Variants in NEDD4 observed in about 807,000 individuals in gnomAD.
NEDD4 encodes NEDD4 E3 ubiquitin protein ligase.
Under a neutral mutation model 144.9 loss-of-function variants are expected in NEDD4, and 99 were observed. The ratio of observed to expected loss-of-function variants is 0.68; its 90% CI spans 0.58 to 0.81. The LOEUF is 0.81. Among genes scored for constraint, NEDD4 ranks in the 30% least tolerant of loss-of-function variants. The probability of loss-of-function intolerance (pLI) is 0.00; values close to 1 mark genes in which losing one functional copy is unlikely to be tolerated. For missense variants in NEDD4, 985 were observed against 1,065.9 expected (o/e 0.92, Z 1.06); for synonymous variants, 318 against 350.6 (o/e 0.91, Z 1.04).
chr15:55,919,106 C>G (rs1334006021), intron 5 of NEDD4, among the ~76,000 whole-genome samples: 1 of 152,134 alleles, frequency 6.6e-6, no homozygotes, highest in African/African-American at 2.4e-5. Flanking sequence ...AGCATCAGTT[C>G]CATGTCCCCT....
chr15:55,837,711 A>C (rs2033276977), intron 24 of NEDD4, 78 bp downstream of exon 24: 8 of 930,018 alleles, frequency 8.6e-6, no homozygotes, highest in Non-Finnish European at 1.3e-5. Flanking sequence ...TTTTTCTCAG[A>C]TGTGATGAGG....
At chr15:55,967,713 A>C (rs199902876) in intron 1 of NEDD4, among the ~76,000 whole-genome samples, 1 of 152,032 alleles carries the variant, frequency 6.6e-6, no homozygotes, top group African/African-American at 2.4e-5. Flanking sequence ...ATATAAAAAA[A>C]CTTCATAGAT....
intron 1 of NEDD4, among the ~76,000 whole-genome samples, chr15:55,986,054 G>A (rs915345542): frequency 6.6e-6 from 1 of 152,182 alleles, no homozygotes; most frequent in African/African-American, 2.4e-5. Flanking sequence ...AACTGGGACA[G>A]TATGAGCAAT....
rs1245172179 is a variant in NEDD4 at position 55,946,184 on chromosome 15, GC to G, written c.237+5191del. Among the ~76,000 whole-genome samples the G allele has an allele frequency of 1.2e-4, 19 of 152,108 alleles. 1 individual carries two copies. Among genetic ancestry groups the G allele is most frequent in the African/African-American group, 4.3e-4 (18 of 41,410 alleles). On this transcript the variant is annotated intron_variant, in intron 4 of 28. Transcript: ENST00000435532. ...AACCTTAAATGTAAATGGGCTAAAT[GC>G]CCCCATTAAAAGACACAGACTGGCG...
chr15:55,914,886 T>C (rs990389179), intron 5 of NEDD4, among the ~76,000 whole-genome samples: 2 of 152,066 alleles, frequency 1.3e-5, no homozygotes, highest in East Asian at 3.8e-4. Context: ...AACAAAATGA[T>C]CATTTGAAAA....
intron 17 of NEDD4, among the ~76,000 whole-genome samples, chr15:55,847,764 C>T (rs2033809513): frequency 6.6e-6 from 1 of 150,642 alleles, no homozygotes; most frequent in Non-Finnish European, 1.5e-5. Context: ...ACAACCTCCG[C>T]CTCCTGGGTT....
In NEDD4 at chr15:55,850,561, T is replaced by G; in HGVS notation, c.1328A>C (p.Asn443Thr). ...AGTTACCCAGGTGGTGGTTTTAGTGTTGTGGTCAATAAAGAAAGGCCTCCC... is the reference window on the plus strand; with the variant it reads ...AGTTACCCAGGTGGTGGTTTTAGTGGTGTGGTCAATAAAGAAAGGCCTCCC... ...PNGRPFFIDH[N>T]TKTTTWEDPR... is the part of the protein sequence containing the mutation. Residue 443 changes from asparagine to threonine, a missense_variant, in exon 14 of 29, where the codon AAC becomes ACC. By Grantham distance (65) the Asn-to-Thr change is moderately conservative. Transcript: ENST00000435532. 1 of 1,614,140 alleles carries G rather than the reference T, an allele frequency of 6.2e-7. No homozygotes were observed. The highest frequency in any genetic ancestry group is 8.5e-7 in the Non-Finnish European group (1 of 1,180,016).
chr15:55,943,959 G>A (rs1481716046), intron 4 of NEDD4, among the ~76,000 whole-genome samples: 4 of 152,226 alleles, frequency 2.6e-5, no homozygotes, highest in African/African-American at 7.2e-5. Flanking sequence ...GCATCAGTGT[G>A]GCCTGGATGT....
chr15:55,879,121 G>C (rs2035094647), intron 5 of NEDD4, among the ~76,000 whole-genome samples: 1 of 152,128 alleles, frequency 6.6e-6, no homozygotes, highest in Non-Finnish European at 1.5e-5. Context: ...ACAGTGCCTG[G>C]CCAGAAAAGT....
rs148801306 is a variant in NEDD4, at chr15:55,928,406, A to G, written c.238-3707T>C. Among the ~76,000 whole-genome samples the G allele has an allele frequency of 3.8e-3, 586 of 152,274 alleles. 5 individuals are homozygous for G. Among genetic ancestry groups the G allele is most frequent in the African/African-American group, 0.013 (560 of 41,536 alleles). On this transcript the variant is annotated intron_variant, in intron 4 of 28. Coordinates refer to ENST00000435532, the MANE Select transcript of NEDD4 (RefSeq NM_006154.4). ...ACACCCTACTTAAAAGTTGTCCCCA[A>G]TGGTCTAAATAACAAAATCCAAAAG...
intron 5 of NEDD4, among the ~76,000 whole-genome samples, chr15:55,907,005 G>A (rs1435216915): frequency 6.6e-6 from 1 of 151,942 alleles, no homozygotes; most frequent in Non-Finnish European, 1.5e-5. Context: ...CAAGGCACCA[G>A]AATTGCTTCA....
intron 2 of NEDD4, among the ~76,000 whole-genome samples, chr15:55,952,072 T>C (rs1237011316): frequency 6.7e-6 from 1 of 150,258 alleles, no homozygotes; most frequent in Non-Finnish European, 1.5e-5. Flanking sequence ...CTCATGCCTG[T>C]AATCCCAGTA....
chr15:55,828,905 TGCGACTACAGAAATTA>T lies in NEDD4; in HGVS notation c.*976_*991del, dbSNP rs1397815757. 6 of 152,732 alleles carry T rather than the reference TGCGACTACAGAAATTA, an allele frequency of 3.9e-5. No homozygotes were observed. In the East Asian group the frequency reaches 9.6e-4, roughly 25 times the overall value. 9.5% of individuals were successfully genotyped at this position (152,732 alleles called of 1,614,324 possible). ...TAGAGTGATACTAAAAATATAAAAATGCGACTACAGAAATTAGCTTAATCTGTAAACATGATAAACC... is the reference window on the plus strand; with the variant it reads ...TAGAGTGATACTAAAAATATAAAAATGCTTAATCTGTAAACATGATAAACC... On this transcript the variant is annotated 3_prime_UTR_variant, in exon 29 of 29. Transcript: ENST00000435532.
chr15:55,959,822 C>T (rs1204835363), intron 2 of NEDD4, among the ~76,000 whole-genome samples: 1 of 152,206 alleles, frequency 6.6e-6, no homozygotes. Context: ...ACCACATTAG[C>T]TTGGAAGTGA....
intron 21 of NEDD4, among the ~76,000 whole-genome samples, chr15:55,839,169 C>T (rs1453324358): frequency 1.3e-5 from 2 of 151,906 alleles, no homozygotes; most frequent in African/African-American, 4.8e-5. Flanking sequence ...GCTGGGACTA[C>T]AGGCGCGCAC....
chr15:55,974,777 C>T lies in NEDD4; in HGVS notation c.46-8231G>A, dbSNP rs1005713124. Among the ~76,000 whole-genome samples, 7 of 150,348 alleles carry T rather than the reference C, an allele frequency of 4.7e-5. No individual in the cohort carries two copies. The Middle Eastern group carries it at 0.01, about 222-fold the overall frequency. On this transcript the variant is annotated intron_variant, in intron 1 of 28. Transcript: ENST00000435532. The stretch of plus-strand genomic sequence containing the variant: ...ACTATAGATGGAACATAGCTCAACA[C>T]AATAAAAGCCATATATGACAGACCC...
At chr15:55,978,032 C>T (rs1485624635) in intron 1 of NEDD4, among the ~76,000 whole-genome samples, 2 of 152,060 alleles carry the variant, frequency 1.3e-5, no homozygotes, top group Non-Finnish European at 2.9e-5. Flanking sequence ...GTTCAGGTAG[C>T]AGTTATAATT....
At chr15:55,949,499 T>C (rs2142296474) in intron 4 of NEDD4, among the ~76,000 whole-genome samples, 1 of 152,272 alleles carries the variant, frequency 6.6e-6, no homozygotes, top group South Asian at 2.1e-4. Flanking sequence ...GACACATGCA[T>C]ACATATGTTT....
intron 2 of NEDD4, among the ~76,000 whole-genome samples, chr15:55,966,149 C>G (rs2037509150): frequency 6.6e-6 from 1 of 152,198 alleles, no homozygotes; most frequent in African/African-American, 2.4e-5. Context: ...CCACTGCCTT[C>G]AGGTTGCTGC....
Sources: allele counts gnomAD v4.1 joint callset (sites outside exome capture counted in the v4.1 genomes callset), GRCh38; gene constraint gnomAD v4.1.1; transcripts MANE v1.5; gene names NCBI Gene and HGNC (gene_info 2026-07-23, HGNC 2026-07-21).